The following STAC variants were observed in gnomAD, a reference collection of about 807,000 sequenced individuals.
STAC encodes the protein SH3 and cysteine-rich domain-containing protein.
Under a neutral mutation model 48.8 loss-of-function variants are expected in STAC, and 43 were observed. The ratio of observed to expected loss-of-function variants is 0.88; its 90% confidence interval spans 0.69 to 1.14. The LOEUF is 1.14. Among genes scored for constraint, STAC ranks in the 50% most tolerant of loss-of-function variants. The pLI is 0.00. For synonymous variants in STAC, 193 were observed against 179.5 expected (o/e 1.07, Z -0.60); for missense variants, 497 against 504.0 (o/e 0.99, Z 0.13).
intron 1 of STAC, among the ~76,000 whole-genome samples, chr3:36,415,235 G>T (rs1314903595): frequency 1.3e-5 from 2 of 152,226 alleles, no homozygotes; most frequent in Non-Finnish European, 2.9e-5. Flanking sequence ...GGTTTCTGCT[G>T]CCTTTTTTTC....
rs1030539738 is a variant in STAC at position 36,520,548 on chromosome 3, G to C, written c.921-8148G>C. On this transcript the variant is annotated intron_variant, in intron 8 of 10. Transcript: ENST00000273183. ...GAGTAAGACAGAATAAGGCTCCCTT[G>C]GTGTCTCGTTTCTATTCTCTAAGTA... 3.3e-5 allele frequency among the ~76,000 whole-genome samples: 5 copies of C among 152,228 alleles called. No homozygotes were observed. In the East Asian group the frequency reaches 9.6e-4, roughly 29 times the overall value.
intron 2 of STAC, among the ~76,000 whole-genome samples, chr3:36,451,782 TGTA>T (rs1240983525): frequency 6.6e-6 from 1 of 152,244 alleles, no homozygotes; most frequent in Non-Finnish European, 1.5e-5. Flanking sequence ...CTCTTCTAGC[TGTA>T]CTTAACTTCC....
At chr3:36,390,451 C>A (rs112810164) in intron 1 of STAC, among the ~76,000 whole-genome samples, 2 of 80,836 alleles carry the variant, frequency 2.5e-5, no homozygotes, top group East Asian at 8.2e-4. Context: ...TTTTTCTTTT[C>A]TTTTTTTTTT....
intron 8 of STAC, among the ~76,000 whole-genome samples, chr3:36,528,410 A>C (rs533184305): frequency 1.3e-5 from 2 of 151,886 alleles, no homozygotes; most frequent in South Asian, 2.1e-4. Context: ...CAGAGGTTGC[A>C]GTGAGCCAAG....
intron 2 of STAC, among the ~76,000 whole-genome samples, chr3:36,479,303 C>T (rs1697581282): frequency 6.6e-6 from 1 of 151,434 alleles, no homozygotes; most frequent in African/African-American, 2.5e-5. Context: ...GAAATTTCAT[C>T]TTCTTCTAGT....
At chr3:36,418,428 T>C (rs904117644) in intron 1 of STAC, among the ~76,000 whole-genome samples, 3 of 152,210 alleles carry the variant, frequency 2.0e-5, no homozygotes, top group African/African-American at 7.2e-5. Flanking sequence ...GGTGTTTTAA[T>C]GTTTGCCTTT....
At chr3:36,399,316 A>T (rs1246906513) in intron 1 of STAC, among the ~76,000 whole-genome samples, 1 of 152,244 alleles carries the variant, frequency 6.6e-6, no homozygotes, top group Non-Finnish European at 1.5e-5. Context: ...TAGCCAGAGC[A>T]GTCGTTTCCC....
chr3:36,476,319 T>G (rs186089643), intron 2 of STAC, among the ~76,000 whole-genome samples: 2 of 152,234 alleles, frequency 1.3e-5, no homozygotes, highest in East Asian at 3.9e-4. Flanking sequence ...AGAAGAGTGG[T>G]GGGTTCCCTG....
In STAC at chr3:36,531,103, A is replaced by G. The variant is rs144525860; in HGVS notation, c.1110+2118A>G. ...TTTTAACAAAGGTGGAGATGGAGTC[A>G]TTGAAACTGGCACTTTCATAAATGC... On this transcript the variant is annotated intron_variant, in intron 10 of 10. Coordinates refer to ENST00000273183, the MANE Select transcript of STAC (RefSeq NM_003149.3). 2.4e-3 allele frequency among the ~76,000 whole-genome samples: 362 copies of G among 152,350 alleles called. 1 individual carries two copies. Among genetic ancestry groups the G allele is most frequent in the African/African-American group, 8.0e-3 (332 of 41,578 alleles).
chr3:36,436,283 C>T (rs1274905267), intron 1 of STAC, among the ~76,000 whole-genome samples: 1 of 152,210 alleles, frequency 6.6e-6, no homozygotes, highest in African/African-American at 2.4e-5. Flanking sequence ...CCCAACTTGT[C>T]TCCCTGTTTC....
At chr3:36,452,465 T>C (rs1005229350) in intron 2 of STAC, among the ~76,000 whole-genome samples, 12 of 152,192 alleles carry the variant, frequency 7.9e-5, no homozygotes, top group Admixed American at 7.2e-4. Context: ...GCAGACACCA[T>C]GGTGTGCTGT....
chr3:36,507,330 A>T (rs1698428483), intron 8 of STAC, among the ~76,000 whole-genome samples: 1 of 152,046 alleles, frequency 6.6e-6, no homozygotes, highest in African/African-American at 2.4e-5. Flanking sequence ...CCAGTATTTT[A>T]TGAGGATTTT....
intron 2 of STAC, among the ~76,000 whole-genome samples, chr3:36,460,926 T>A (rs556044220): frequency 2.0e-3 from 299 of 152,250 alleles, no homozygotes; most frequent in African/African-American, 7.0e-3. Flanking sequence ...ATAATAACAT[T>A]TCCTTTCAAA....
intron 5 of STAC, among the ~76,000 whole-genome samples, chr3:36,487,974 G>T (rs1316223428): frequency 6.6e-6 from 1 of 152,174 alleles, no homozygotes; most frequent in Non-Finnish European, 1.5e-5. Context: ...ACATGGGTAG[G>T]ATTTATATGT....
chr3:36,454,146 C>T (rs372722024), intron 2 of STAC, among the ~76,000 whole-genome samples: 1 of 152,158 alleles, frequency 6.6e-6, no homozygotes, highest in African/African-American at 2.4e-5. Flanking sequence ...GCAACCCGCT[C>T]GGATCCTCTT....
intron 8 of STAC, among the ~76,000 whole-genome samples, chr3:36,527,272 T>C (rs1698958586): frequency 6.6e-6 from 1 of 152,148 alleles, no homozygotes; most frequent in African/African-American, 2.4e-5. Flanking sequence ...AAGAAAGAAA[T>C]ATTGTTTTGA....
intron 3 of STAC, 141 bp downstream of exon 3, chr3:36,483,233 T>C (rs1000487381): frequency 2.3e-5 from 14 of 612,178 alleles, no homozygotes; most frequent in South Asian, 2.3e-4. Context: ...GGCTTCCTAA[T>C]TGGCGTAATC....
intron 8 of STAC, among the ~76,000 whole-genome samples, chr3:36,513,333 C>A (rs1343386979): frequency 6.6e-6 from 1 of 152,178 alleles, no homozygotes; most frequent in African/African-American, 2.4e-5. Context: ...TCAACCTCTG[C>A]CCAGGCCTCA....
At chr3:36,473,690 T>A (rs76611376) in intron 2 of STAC, among the ~76,000 whole-genome samples, 306 of 152,306 alleles carry the variant, frequency 2.0e-3, no homozygotes, top group African/African-American at 7.2e-3. Flanking sequence ...TACATACACA[T>A]ACATATTCAC....
Sources: gnomAD v4.1 joint callset for allele counts (sites outside exome capture counted in the v4.1 genomes callset) on GRCh38, gnomAD v4.1.1 for gene constraint, MANE v1.5 for transcripts, NCBI Gene and HGNC (gene_info 2026-07-23, HGNC 2026-07-21) for gene names.